SEPTIN6: variants seen among roughly 807,000 people sequenced by gnomAD.
The protein encoded by SEPTIN6 is septin-6.
Under a neutral mutation model 33.6 loss-of-function variants are expected in SEPTIN6, and 8 were observed. The observed-to-expected ratio is 0.24, with a 90% CI of 0.14 to 0.43. The LOEUF is 0.43. Among genes scored for constraint, SEPTIN6 ranks in the 20% least tolerant of loss-of-function variants. The probability of loss-of-function intolerance (pLI) is 1.00; values close to 1 mark genes in which losing one functional copy is unlikely to be tolerated. For synonymous variants in SEPTIN6, 131 were observed against 140.0 expected, an observed-to-expected ratio of 0.94 and a Z score of 0.45; for missense variants, 250 against 340.8, an observed-to-expected ratio of 0.73 and a Z score of 2.10.
chrX:119,681,177 C>T (rs185402856), intron 1 of SEPTIN6, among the ~76,000 whole-genome samples: 1 of 110,630 alleles, frequency 9.0e-6, no homozygotes, highest in East Asian at 2.8e-4. Flanking sequence ...TGTACACTGA[C>T]CCCAGCACAG....
chrX:119,640,847 C>T, intron 5 of SEPTIN6, 59 bp from the exon 6 acceptor site: 1 of 1,017,610 alleles, frequency 9.8e-7, no homozygotes, highest in Non-Finnish European at 1.4e-6. Flanking sequence ...GAGTGTTACA[C>T]AACCCAACTG....
chrX:119,667,868 T>C (rs1053341564), intron 2 of SEPTIN6, among the ~76,000 whole-genome samples: 2 of 111,558 alleles, frequency 1.8e-5, no homozygotes, highest in Non-Finnish European at 3.8e-5. Flanking sequence ...TCCAAGTGGA[T>C]AGTAAGGTTT....
intron 3 of SEPTIN6, among the ~76,000 whole-genome samples, chrX:119,660,656 T>C (rs2054521010): frequency 9.0e-6 from 1 of 111,520 alleles, no homozygotes; most frequent in Non-Finnish European, 1.9e-5. Flanking sequence ...TAAGCACTCA[T>C]ATTGTGGCCC....
At chrX:119,633,969 A>G (rs751535843) in intron 7 of SEPTIN6, among the ~76,000 whole-genome samples, 13 of 112,141 alleles carry the variant, frequency 1.2e-4, no homozygotes, top group Admixed American at 2.8e-4. Flanking sequence ...ACTAATTGAC[A>G]TGATGCTAGT....
At chrX:119,673,212 C>T (rs748170277) in intron 2 of SEPTIN6, among the ~76,000 whole-genome samples, 37 of 110,806 alleles carry the variant, frequency 3.3e-4, no homozygotes, top group East Asian at 8.5e-4. Flanking sequence ...CTCATCTCTA[C>T]GAAAAAAATG....
intron 5 of SEPTIN6, among the ~76,000 whole-genome samples, chrX:119,648,143 C>T (rs2054298466): frequency 9.1e-6 from 1 of 109,624 alleles, no homozygotes; most frequent in South Asian, 3.8e-4. Flanking sequence ...TTGAGCCTAC[C>T]CTAGGCTTAG....
chrX:119,618,788 T>G lies in SEPTIN6; in HGVS notation c.*1305A>C. On this transcript the variant is annotated 3_prime_UTR_variant, in exon 11 of 11. Transcript: ENST00000394610. ...TATTCAGTACACAGCCATGGATTAC[T>G]GCAAAGGAAGGGCAGAGAGACGGCA... 1 of 1,210,511 alleles carries G rather than the reference T, an allele frequency of 8.3e-7. No individual in the cohort carries two copies. Among genetic ancestry groups the G allele is most frequent in the Non-Finnish European group, 1.1e-6 (1 of 894,792 alleles).
chrX:119,693,044 C>T (rs374802941), intron 1 of SEPTIN6, 32 bp downstream of exon 1: 5 of 1,167,446 alleles, frequency 4.3e-6, no homozygotes, highest in Non-Finnish European at 5.7e-6. Flanking sequence ...AGGCCCTCGG[C>T]CCCGGCCCTG....
At chrX:119,634,497 T>C (rs1001914341) in intron 7 of SEPTIN6, among the ~76,000 whole-genome samples, 2 of 111,041 alleles carry the variant, frequency 1.8e-5, no homozygotes, top group Non-Finnish European at 3.8e-5. Context: ...TGGTTCAACA[T>C]GGCCAGAGAG....
chrX:119,629,100 T>C (rs2053911916), intron 9 of SEPTIN6: 2 of 396,536 alleles, frequency 5.0e-6, no homozygotes, highest in Non-Finnish European at 8.8e-6. Flanking sequence ...GCTGGGCCTC[T>C]GGGACCACAC....
In SEPTIN6 at chrX:119,619,774, C is replaced by T. The variant is rs1478481045; in HGVS notation, c.*319G>A. 2 of 1,022,582 alleles carry T rather than the reference C, an allele frequency of 2.0e-6. No individual in the cohort carries two copies. The highest frequency in any genetic ancestry group is 4.0e-5 in the African/African-American group (2 of 50,055). The allele number at this position is 1,022,582 out of a possible 1,213,427, so 84.3% of individuals were successfully genotyped here. A position where few individuals can be genotyped will look rare whatever the true frequency, so the allele number is the denominator to read the frequency against. Reference sequence around the variant, plus strand: ...GCAGATGGGCCCCCTGACCATGTCACACCTCTGGCAAAGATGTGGGGGAAG... The same window carrying T: ...GCAGATGGGCCCCCTGACCATGTCATACCTCTGGCAAAGATGTGGGGGAAG... On this transcript the variant is annotated 3_prime_UTR_variant, in exon 11 of 11. Coordinates refer to ENST00000394610, the MANE Select transcript of SEPTIN6 (RefSeq NM_145799.4).
chrX:119,620,915 C>T (rs2053747943), intron 10 of SEPTIN6, among the ~76,000 whole-genome samples: 1 of 110,698 alleles, frequency 9.0e-6, no homozygotes, highest in Non-Finnish European at 1.9e-5. Context: ...AGGCACTGAG[C>T]CCGGCCTATC....
chrX:119,689,359 G>A (rs2055116296), intron 1 of SEPTIN6, among the ~76,000 whole-genome samples: 1 of 112,139 alleles, frequency 8.9e-6, no homozygotes, highest in African/African-American at 3.2e-5. Context: ...ATTAATAGCA[G>A]CCCAAGCCAC....
intron 3 of SEPTIN6, among the ~76,000 whole-genome samples, chrX:119,655,630 C>T (rs540749652): frequency 1.2e-3 from 129 of 111,229 alleles, no homozygotes; most frequent in African/African-American, 3.9e-3. Context: ...TTGATTCCCT[C>T]GCTCACTGTG....
chrX:119,641,037 G>C (rs893297892), intron 5 of SEPTIN6, among the ~76,000 whole-genome samples: 2 of 112,487 alleles, frequency 1.8e-5, no homozygotes, highest in South Asian at 7.3e-4. Context: ...AGGGAACAAA[G>C]AGAGAAAATA....
chrX:119,617,486 C>T lies in SEPTIN6; in HGVS notation c.*2607G>A, dbSNP rs2053684258. On this transcript the variant is annotated 3_prime_UTR_variant, in exon 11 of 11. Transcript: ENST00000394610. ...GGACCCCGTTCCAGCCTTGCAGCAT[C>T]ACTGGGTCATTGGGTTAAGGAGCTG... The T allele has an allele frequency of 9.9e-6, 8 of 805,087 alleles. No individual in the cohort carries two copies. The highest frequency in any genetic ancestry group is 1.0e-5 in the Non-Finnish European group (7 of 670,412). 66.3% of individuals were successfully genotyped at this position (805,087 alleles called of 1,213,427 possible). A position where few individuals can be genotyped will look rare whatever the true frequency, so the allele number is the denominator to read the frequency against.
chrX:119,636,641 C>T (rs964902347), intron 7 of SEPTIN6, among the ~76,000 whole-genome samples: 5 of 111,487 alleles, frequency 4.5e-5, no homozygotes, highest in Non-Finnish European at 9.4e-5. Context: ...GAAAGAGGGG[C>T]AGAGGACAGT....
chrX:119,686,486 G>C, intron 1 of SEPTIN6: 1 of 549,983 alleles, frequency 1.8e-6, no homozygotes, highest in Admixed American at 3.3e-5. Flanking sequence ...CCGGCTGAGA[G>C]CGCGCTGCAT....
intron 3 of SEPTIN6, among the ~76,000 whole-genome samples, chrX:119,660,787 A>C (rs1238158564): frequency 1.0e-5 from 1 of 96,536 alleles, no homozygotes; most frequent in Non-Finnish European, 2.0e-5. Flanking sequence ...CCAGCAATTT[A>C]GGAAGCCAAG....
Sources: allele counts gnomAD v4.1 joint callset (sites outside exome capture counted in the v4.1 genomes callset), GRCh38; gene constraint gnomAD v4.1.1; transcripts MANE v1.5; gene names NCBI Gene and HGNC (gene_info 2026-07-23, HGNC 2026-07-21).